Variants in SCFD2 observed in about 807,000 individuals in gnomAD.
SCFD2 encodes sec1 family domain-containing protein 2.
In SCFD2, 54 loss-of-function variants were observed where a neutral mutation model predicts 58.9. That is an observed-to-expected ratio of 0.92 (90% CI 0.74 to 1.15). The LOEUF (loss-of-function observed/expected upper bound fraction) is 1.15, where lower values mean the gene tolerates loss of function less well. Ranked by LOEUF, SCFD2 falls within the 50% of genes most tolerant of loss-of-function variation. SCFD2 has a pLI of 0.00. For synonymous variants in SCFD2, 321 were observed against 335.9 expected (o/e 0.96, Z 0.49); for missense variants, 805 against 836.6 (o/e 0.96, Z 0.47).
At chr4:53,294,125 G>A (rs1731939706) in intron 3 of SCFD2, among the ~76,000 whole-genome samples, 1 of 152,100 alleles carries the variant, frequency 6.6e-6, no homozygotes, top group South Asian at 2.1e-4. Context: ...TATCTTTACA[G>A]TAGAATAATT....
At chr4:53,138,075 G>T (rs1045038982) in intron 5 of SCFD2, among the ~76,000 whole-genome samples, 30 of 152,170 alleles carry the variant, frequency 2.0e-4, no homozygotes, top group Non-Finnish European at 3.8e-4. Flanking sequence ...GGGTGGGGAA[G>T]CACTACCCTA....
chr4:53,206,124 A>G (rs1225642049), intron 4 of SCFD2, among the ~76,000 whole-genome samples: 1 of 152,120 alleles, frequency 6.6e-6, no homozygotes, highest in Non-Finnish European at 1.5e-5. Flanking sequence ...TTAGCTTTTT[A>G]GTCCACAAAT....
intron 3 of SCFD2, among the ~76,000 whole-genome samples, chr4:53,295,350 C>T (rs1731989297): frequency 6.6e-6 from 1 of 152,034 alleles, no homozygotes; most frequent in African/African-American, 2.4e-5. Flanking sequence ...TGAAGAGGTC[C>T]TTCAAATCCC....
intron 7 of SCFD2, among the ~76,000 whole-genome samples, chr4:52,891,893 G>T (rs528653062): frequency 2.6e-5 from 4 of 152,180 alleles, no homozygotes; most frequent in Non-Finnish European, 4.4e-5. Flanking sequence ...CTCCTTGGAG[G>T]GCTCCTCTTG....
intron 3 of SCFD2, among the ~76,000 whole-genome samples, chr4:53,310,374 T>C (rs561563533): frequency 6.6e-6 from 1 of 152,332 alleles, no homozygotes; most frequent in African/African-American, 2.4e-5. Flanking sequence ...TAGAGAACTA[T>C]AGGACAGATA....
intron 5 of SCFD2, among the ~76,000 whole-genome samples, chr4:53,080,755 A>G (rs1724122590): frequency 1.3e-5 from 2 of 152,144 alleles, no homozygotes; most frequent in Admixed American, 6.6e-5. Context: ...AGGTTTCAAA[A>G]CCTCAAAATA....
At chr4:52,972,883 A>G (rs1721142855) in intron 5 of SCFD2, among the ~76,000 whole-genome samples, 1 of 152,220 alleles carries the variant, frequency 6.6e-6, no homozygotes, top group Non-Finnish European at 1.5e-5. Context: ...CTGCTCAACT[A>G]CATGGAAGCT....
At chr4:53,255,162 C>T (rs1168960469) in intron 4 of SCFD2, among the ~76,000 whole-genome samples, 1 of 151,108 alleles carries the variant, frequency 6.6e-6, no homozygotes. Flanking sequence ...TGAGCCACTG[C>T]ACCCAGCAAA....
intron 5 of SCFD2, among the ~76,000 whole-genome samples, chr4:53,045,191 T>C (rs1723008771): frequency 6.6e-6 from 1 of 152,216 alleles, no homozygotes; most frequent in Non-Finnish European, 1.5e-5. Context: ...AGGATTTTAC[T>C]GTTTCCTTTG....
rs370595266 is a variant in SCFD2 at position 53,250,891 on chromosome 4, G to A, written c.1311+22935C>T. Among the ~76,000 whole-genome samples, 1,226 of 152,166 alleles carry A rather than the reference G, an allele frequency of 8.1e-3. 6 individuals are homozygous for A. The highest frequency in any genetic ancestry group is 0.013 in the Non-Finnish European group (903 of 67,992). On this transcript the variant is annotated intron_variant, in intron 4 of 8. Transcript: ENST00000401642. ...CTAGCAGAAGGCAAGAAATAACTAA[G>A]ATCAGAGCAGAACTGAAGGAAATAG...
rs560288045 is a variant in SCFD2, at chr4:53,362,085, G to C, written c.838+3019C>G. On this transcript the variant is annotated intron_variant, in intron 1 of 8. Transcript: ENST00000401642. ...ATAAATGATCAATTAGTAGTGTCAG[G>C]GAATAGTAAAGGCTATGACAAATAA... Among the ~76,000 whole-genome samples, 7 of 152,200 alleles carry C rather than the reference G, an allele frequency of 4.6e-5. No homozygotes were observed. The South Asian group carries it at 1.4e-3, about 31-fold the overall frequency.
At chr4:53,033,081 C>T (rs138874942) in intron 5 of SCFD2, among the ~76,000 whole-genome samples, 2,720 of 152,196 alleles carry the variant, frequency 0.018, 132 homozygotes, top group Admixed American at 0.11. Context: ...AAACACTCCT[C>T]AGGAAATGCA....
chr4:53,243,007 C>G (rs1319994595), intron 4 of SCFD2, among the ~76,000 whole-genome samples: 1 of 152,148 alleles, frequency 6.6e-6, no homozygotes, highest in East Asian at 1.9e-4. Flanking sequence ...ATCTATGACT[C>G]ATTAGTGTTA....
chr4:53,306,616 A>G (rs1191741001), intron 3 of SCFD2, among the ~76,000 whole-genome samples: 1 of 152,200 alleles, frequency 6.6e-6, no homozygotes, highest in Non-Finnish European at 1.5e-5. Context: ...ACAAGCACTA[A>G]GCCACCCACT....
At chr4:53,219,920 G>C (rs1560393201) in intron 4 of SCFD2, among the ~76,000 whole-genome samples, 1 of 152,118 alleles carries the variant, frequency 6.6e-6, no homozygotes, top group Non-Finnish European at 1.5e-5. Context: ...AATCTGCCCA[G>C]TCATCCCCTC....
intron 4 of SCFD2, among the ~76,000 whole-genome samples, chr4:53,230,772 A>C (rs1417546727): frequency 1.3e-5 from 2 of 152,110 alleles, no homozygotes; most frequent in Non-Finnish European, 2.9e-5. Flanking sequence ...AAAGTATAAT[A>C]ATAAAATTTA....
At position 52,945,479 on chromosome 4, in the gene SCFD2, C is replaced by T. The variant is rs185182638; in HGVS notation, c.1562-24609G>A. On this transcript the variant is annotated intron_variant, in intron 5 of 8. Coordinates refer to ENST00000401642, the MANE Select transcript of SCFD2 (RefSeq NM_152540.4). The stretch of plus-strand genomic sequence containing the variant: ...TAGTCTGGTAAAATAATTCCATATC[C>T]TTGTCATGGCAATGAGTATGAGGAT... 3.1e-3 allele frequency among the ~76,000 whole-genome samples: 466 copies of T among 152,212 alleles called. 5 individuals are homozygous for T. Among genetic ancestry groups the T allele is most frequent in the African/African-American group, 0.011 (442 of 41,534 alleles).
intron 2 of SCFD2, among the ~76,000 whole-genome samples, chr4:53,328,088 T>C (rs1044132315): frequency 1.3e-5 from 2 of 151,506 alleles, no homozygotes; most frequent in Non-Finnish European, 2.9e-5. Flanking sequence ...TGAGCCGAGA[T>C]AGTGCCACTG....
At chr4:53,359,593 T>G (rs1038325249) in intron 1 of SCFD2, among the ~76,000 whole-genome samples, 2 of 152,198 alleles carry the variant, frequency 1.3e-5, no homozygotes, top group African/African-American at 4.8e-5. Flanking sequence ...CTTCTGATTT[T>G]TAGAAGTTGT....
Sources: allele counts gnomAD v4.1 joint callset (sites outside exome capture counted in the v4.1 genomes callset), GRCh38; gene constraint gnomAD v4.1.1; transcripts MANE v1.5; gene names NCBI Gene and HGNC (gene_info 2026-07-23, HGNC 2026-07-21).